Variants in P2RX3 observed in about 807,000 individuals in gnomAD.
P2RX3 encodes P2X purinoceptor 3.
P2RX3 carries 41 observed loss-of-function variants against 51.5 expected under a neutral mutation model. The ratio of observed to expected loss-of-function variants is 0.80; its 90% CI spans 0.62 to 1.03. P2RX3 has a LOEUF of 1.03. Ranked by LOEUF, P2RX3 falls within the 50% of genes least tolerant of loss-of-function variation. The pLI, the probability that P2RX3 is intolerant of heterozygous loss-of-function variation, is 0.00. For missense variants in P2RX3, 459 were observed against 522.1 expected (o/e 0.88, Z 1.18); for synonymous variants, 185 against 191.6 (o/e 0.97, Z 0.29).
rs1856857057 is a variant in P2RX3 at position 57,369,929 on chromosome 11, T to C, written c.1126T>C (p.Tyr376His). The C allele has an allele frequency of 3.1e-6, 5 of 1,614,096 alleles. No individual in the cohort carries two copies. The highest frequency in any genetic ancestry group is 4.2e-6 in the Non-Finnish European group (5 of 1,179,990). The change falls in exon 12 of 12, where the codon TAC becomes CAC. Residue 376 changes from tyrosine (Y) to histidine (H), a missense_variant. Tyr to His is a moderately conservative substitution (Grantham distance 83). Coordinates refer to ENST00000263314, the MANE Select transcript of P2RX3 (RefSeq NM_002559.5). The part of the protein sequence containing the change: ...LKIAALTNPV[Y>H]PSDQTTAEKQ... ...AATCGCGGCTTTGACCAACCCAGTG[T>C]ACCCCAGCGACCAGACCACAGCGGA...
rs185878290 is a variant in P2RX3, at chr11:57,360,012, C to A, written c.843-7997C>A. On this transcript the variant is annotated intron_variant, in intron 8 of 11. Transcript: ENST00000263314. The stretch of plus-strand genomic sequence containing the variant: ...AAAACAGACTCAGAGAGGTAATTCA[C>A]CCAAGGTCATATAAACTAGGTGGCA... 4.6e-5 allele frequency among the ~76,000 whole-genome samples: 7 copies of A among 152,312 alleles called. No individual in the cohort carries two copies. The East Asian group carries it at 1.3e-3, about 29-fold the overall frequency.
At chr11:57,349,660 A>T (rs1856506715) in intron 6 of P2RX3, 97 bp from the exon 7 acceptor site, 6 of 1,477,900 alleles carry the variant, frequency 4.1e-6, no homozygotes, top group Non-Finnish European at 5.6e-6. Flanking sequence ...GAGGGCTCAG[A>T]TCCCCCCTAG....
chr11:57,369,738 T>C, intron 11 of P2RX3, 146 bp from the exon 12 acceptor site: 1 of 675,150 alleles, frequency 1.5e-6, no homozygotes, highest in Admixed American at 2.4e-5. Flanking sequence ...TCGGGGTACA[T>C]GGGAGGGGCC....
intron 8 of P2RX3, among the ~76,000 whole-genome samples, chr11:57,353,579 AAGG>A (rs1377039059): frequency 6.6e-6 from 1 of 152,222 alleles, no homozygotes; most frequent in Non-Finnish European, 1.5e-5. Context: ...TCTAAGTTCC[AAGG>A]AGATTTCAAG....
intron 7 of P2RX3, among the ~76,000 whole-genome samples, 182 bp downstream of exon 7, chr11:57,350,080 A>G (rs4939138): frequency 0.51 from 77,649 of 151,902 alleles, 20,882 homozygotes; most frequent in East Asian, 0.69. Context: ...GCGCAGAGCG[A>G]TCTTGCCCCC....
At chr11:57,337,350 G>GAAAAAAAAAAAAAAAA (rs11339711), upstream of P2RX3, among the ~76,000 whole-genome samples, 1 of 73,494 alleles carries the variant, frequency 1.4e-5, no homozygotes, top group African/African-American at 5.9e-5. Context: ...AGGAAAGAAA[G>GAAAAAAAAAAAAAAAA]AAAAAAAAAA....
intron 1 of P2RX3, among the ~76,000 whole-genome samples, chr11:57,339,542 C>A (rs1856299920): frequency 6.6e-6 from 1 of 152,160 alleles, no homozygotes; most frequent in Non-Finnish European, 1.5e-5. Context: ...CACACGCACA[C>A]AAAGGGCTGT....
At chr11:57,353,619 A>G (rs1298763469) in intron 8 of P2RX3, among the ~76,000 whole-genome samples, 1 of 142,428 alleles carries the variant, frequency 7.0e-6, no homozygotes, top group Non-Finnish European at 1.5e-5. Context: ...AGCACAATTC[A>G]TAGCCCGGCC....
intron 8 of P2RX3, among the ~76,000 whole-genome samples, chr11:57,364,613 C>T (rs747652855): frequency 5.3e-5 from 8 of 152,150 alleles, no homozygotes; most frequent in Non-Finnish European, 8.8e-5. Context: ...TAAAATATCC[C>T]GAGAGTCCTC....
rs371595199 is a variant in P2RX3 at position 57,353,844 on chromosome 11, C to G, written c.842+2946C>G. Among the ~76,000 whole-genome samples, 191 of 128,200 alleles carry G rather than the reference C, an allele frequency of 1.5e-3. 2 individuals carry two copies. The highest frequency in any genetic ancestry group is 5.1e-3 in the African/African-American group (168 of 32,940). The allele number at this position is 128,200 out of a possible 152,430, so 84.1% of individuals were successfully genotyped here. ...CTCCCTTCCAAATGTCACTCCCCCC[C>G]CCCCGCCCCTATTTTTTGTAGCTCT... On this transcript the variant is annotated intron_variant, in intron 8 of 11. Coordinates refer to ENST00000263314, the MANE Select transcript of P2RX3 (RefSeq NM_002559.5).
chr11:57,353,837 T>TTCCC (rs1856585670), intron 8 of P2RX3, among the ~76,000 whole-genome samples: 1 of 120,910 alleles, frequency 8.3e-6, no homozygotes, highest in African/African-American at 3.7e-5. Flanking sequence ...CAAATGTCAC[T>TTCCC]CCCCCCCCCC....
Position 57,371,262 on chromosome 11 carries a change from T to C in P2RX3, c.*1265T>C, listed in dbSNP as rs1856881679. On this transcript the variant is annotated 3_prime_UTR_variant, in exon 12 of 12. Coordinates refer to ENST00000263314, the MANE Select transcript of P2RX3 (RefSeq NM_002559.5). ...CCCAGAAATTGCCCCAGGGCAGGGCTCTGGGGCAGAACCAGGTTTTGTGAA... is the reference window on the plus strand; with the variant it reads ...CCCAGAAATTGCCCCAGGGCAGGGCCCTGGGGCAGAACCAGGTTTTGTGAA... 6.6e-6 allele frequency among the ~76,000 whole-genome samples: 1 copy of C among 152,242 alleles called. No individual in the cohort carries two copies. The highest frequency in any genetic ancestry group is 2.4e-5 in the African/African-American group (1 of 41,460).
intron 1 of P2RX3, among the ~76,000 whole-genome samples, chr11:57,340,037 G>A (rs1181941689): frequency 6.6e-6 from 1 of 152,210 alleles, no homozygotes; most frequent in Non-Finnish European, 1.5e-5. Flanking sequence ...CAATGTTGAG[G>A]TTTTGTGAGA....
intron 8 of P2RX3, 60 bp downstream of exon 8, chr11:57,350,958 T>C: frequency 1.2e-6 from 2 of 1,608,306 alleles, no homozygotes; most frequent in South Asian, 2.2e-5. Context: ...ACGGCAATGT[T>C]TATTGGGGAG....
Position 57,370,766 on chromosome 11 carries a change from G to C in P2RX3, c.*769G>C, listed in dbSNP as rs1177821994. Among the ~76,000 whole-genome samples the C allele has an allele frequency of 6.6e-6, 1 of 152,174 alleles. No homozygotes were observed. Among genetic ancestry groups the C allele is most frequent in the Non-Finnish European group, 1.5e-5 (1 of 68,036 alleles). Reference sequence around the variant, plus strand: ...CCCATAGCTCTCTCCCCAAACCAGGGAAGGGGTCATTCTTGTTCTTCTCTG... The same window carrying C: ...CCCATAGCTCTCTCCCCAAACCAGGCAAGGGGTCATTCTTGTTCTTCTCTG... On this transcript the variant is annotated 3_prime_UTR_variant, in exon 12 of 12. Transcript: ENST00000263314.
intron 8 of P2RX3, among the ~76,000 whole-genome samples, chr11:57,366,551 C>T (rs1482248455): frequency 2.0e-5 from 3 of 152,200 alleles, no homozygotes; most frequent in Non-Finnish European, 4.4e-5. Context: ...GACAAGTCTC[C>T]TTACCCTCTC....
At chr11:57,340,315 G>A (rs1856315606) in intron 1 of P2RX3, among the ~76,000 whole-genome samples, 1 of 152,178 alleles carries the variant, frequency 6.6e-6, no homozygotes, top group Non-Finnish European at 1.5e-5. Flanking sequence ...GTCTCATCAT[G>A]ATCAGATAGA....
At chr11:57,357,105 T>G (rs1409938604) in intron 8 of P2RX3, among the ~76,000 whole-genome samples, 1 of 152,058 alleles carries the variant, frequency 6.6e-6, no homozygotes, top group Admixed American at 6.5e-5. Flanking sequence ...GATCACGAGT[T>G]CAGGAGTTCA....
At chr11:57,347,659 AGAG>A (rs1856466204) in intron 4 of P2RX3, among the ~76,000 whole-genome samples, 181 bp downstream of exon 4, 1 of 152,164 alleles carries the variant, frequency 6.6e-6, no homozygotes, top group African/African-American at 2.4e-5. Context: ...CCCTGCCCCC[AGAG>A]GAGTTCCCAG....
Sources: gnomAD v4.1 joint callset for allele counts (sites outside exome capture counted in the v4.1 genomes callset) on GRCh38, gnomAD v4.1.1 for gene constraint, MANE v1.5 for transcripts, NCBI Gene and HGNC (gene_info 2026-07-23, HGNC 2026-07-21) for gene names.